MECR: variants seen among roughly 807,000 people sequenced by gnomAD.
MECR encodes mitochondrial trans-2-enoyl-CoA reductase.
Under a neutral mutation model 49.1 loss-of-function variants are expected in MECR, and 37 were observed. The observed-to-expected ratio is 0.75, with a 90% CI of 0.58 to 0.99. The LOEUF (loss-of-function observed/expected upper bound fraction) is 0.99. MECR is among the 50% of genes least tolerant of loss of function. The pLI is 0.00. For missense variants in MECR, 470 were observed against 479.6 expected, an observed-to-expected ratio of 0.98 and a Z score of 0.19; for synonymous variants, 198 against 191.1, an observed-to-expected ratio of 1.04 and a Z score of -0.30.
the MECR span, among the ~76,000 whole-genome samples, chr1:29,175,711 A>AAG: frequency 0.043 from 6,304 of 146,508 alleles, 270 homozygotes; most frequent in Non-Finnish European, 0.068. Flanking sequence ...AAAAAAAAAA[A>AAG]AAAAAAAAAA....
At chr1:29,216,709 T>C (rs1679495197) in intron 1 of MECR, 24 bp from the exon 2 acceptor site, 5 of 1,614,118 alleles carry the variant, frequency 3.1e-6, no homozygotes, top group Non-Finnish European at 4.2e-6. Flanking sequence ...CAAACGGAGA[T>C]GTTCATGTCA....
chr1:29,217,483 G>C (rs1314375345), intron 1 of MECR, among the ~76,000 whole-genome samples: 1 of 152,052 alleles, frequency 6.6e-6, no homozygotes, highest in Non-Finnish European at 1.5e-5. Flanking sequence ...CTAAAGTGCT[G>C]GGATTACAGG....
At chr1:29,206,724 G>A in intron 4 of MECR, 38 bp downstream of exon 4, 6 of 1,608,020 alleles carry the variant, frequency 3.7e-6, no homozygotes, top group East Asian at 2.2e-5. Context: ...CCCTAGTTGC[G>A]AGACCCTGGC....
intron 1 of MECR, among the ~76,000 whole-genome samples, chr1:29,220,227 C>CAA (rs1369407530): frequency 2.4e-5 from 1 of 41,868 alleles, no homozygotes. Context: ...CCCGTCTCTA[C>CAA]TAAAAAAAAA....
At position 29,200,422 on chromosome 1, in the gene MECR, C is replaced by T. The variant is rs149854239; in HGVS notation, c.830+94G>A. The T allele has an allele frequency of 3.7e-5, 45 of 1,208,370 alleles. No homozygotes were observed. In the Middle Eastern group the frequency reaches 1.4e-3, roughly 36 times the overall value. The allele number at this position is 1,208,370 out of a possible 1,614,324, so 74.9% of individuals were successfully genotyped here. A position where few individuals can be genotyped will look rare whatever the true frequency, so the allele number is the denominator to read the frequency against. On this transcript the variant is annotated intron_variant, in intron 7 of 9. Transcript: ENST00000263702. ...ACATTGTGCTGACCTGGACTTGGCT[C>T]GAACTGGCGATGGGACTCAGTCACT...
In MECR at chr1:29,193,188, G is replaced by A. The variant is rs1185076111; in HGVS notation, c.*834C>T. The stretch of plus-strand genomic sequence containing the variant: ...TTGAACTCCTGGGCTCAAGTGATCC[G>A]CTTGCCTTGGCTTCCCAAAGTGCTG... On this transcript the variant is annotated 3_prime_UTR_variant, in exon 10 of 10. Coordinates refer to ENST00000263702, the MANE Select transcript of MECR (RefSeq NM_016011.5). 1.1e-5 allele frequency: 2 copies of A among 186,304 alleles called. No individual in the cohort carries two copies. The highest frequency in any genetic ancestry group is 4.2e-5 in the Admixed American group (1 of 23,622). 11.5% of individuals were successfully genotyped at this position (186,304 alleles called of 1,614,324 possible). A position where few individuals can be genotyped will look rare whatever the true frequency, so the allele number is the denominator to read the frequency against.
intron 4 of MECR, among the ~76,000 whole-genome samples, chr1:29,206,379 G>A (rs562107238): frequency 1.3e-5 from 2 of 152,318 alleles, no homozygotes; most frequent in South Asian, 4.1e-4. Flanking sequence ...AAAGTGCTAT[G>A]TAAACGCTGA....
intron 5 of MECR, among the ~76,000 whole-genome samples, chr1:29,202,740 C>G (rs1164935635): frequency 1.3e-5 from 2 of 152,120 alleles, no homozygotes; most frequent in Non-Finnish European, 2.9e-5. Flanking sequence ...AAGTACCACA[C>G]AAAAGCAAGG....
At chr1:29,215,947 A>C in intron 3 of MECR, 58 bp downstream of exon 3, 1 of 1,601,958 alleles carries the variant, frequency 6.2e-7, no homozygotes, top group Non-Finnish European at 8.5e-7. Flanking sequence ...ATGCCGACAG[A>C]GTGGGTGAAA....
intron 3 of MECR, among the ~76,000 whole-genome samples, chr1:29,210,914 AAC>A (rs907850046): frequency 6.6e-6 from 1 of 152,174 alleles, no homozygotes; most frequent in Non-Finnish European, 1.5e-5. Context: ...GTGGGTGTAT[AAC>A]ACACATTGTT....
intron 3 of MECR, among the ~76,000 whole-genome samples, chr1:29,214,430 C>T (rs973061364): frequency 4.7e-5 from 7 of 150,002 alleles, no homozygotes; most frequent in Non-Finnish European, 1.0e-4. Context: ...GGCATGATCT[C>T]GGCTCACTGT....
chr1:29,169,173 G>A, the MECR span: 1 of 152,152 alleles, frequency 6.6e-6, no homozygotes, highest in Non-Finnish European at 1.5e-5. Context: ...CAACTCTGAG[G>A]TTTACTGTCA....
At chr1:29,182,433 ATTATTT>A in the MECR span, among the ~76,000 whole-genome samples, 1 of 152,210 alleles carries the variant, frequency 6.6e-6, no homozygotes, top group Admixed American at 6.5e-5. Context: ...TGAGACCAGT[ATTATTT>A]TTAAGAGGAC....
chr1:29,222,207 C>T (rs1468936445), intron 1 of MECR, among the ~76,000 whole-genome samples: 1 of 152,218 alleles, frequency 6.6e-6, no homozygotes, highest in African/African-American at 2.4e-5. Context: ...AATTCTCCTG[C>T]CTCAGCCTCC....
intron 1 of MECR, among the ~76,000 whole-genome samples, chr1:29,218,438 A>G (rs1414948613): frequency 6.6e-6 from 1 of 152,256 alleles, no homozygotes; most frequent in Non-Finnish European, 1.5e-5. Context: ...CAAGACACAT[A>G]TAACTGCCAA....
chr1:29,201,637 C>T lies in MECR; in HGVS notation c.756+306G>A, dbSNP rs902358726. 5.9e-6 allele frequency: 3 copies of T among 508,426 alleles called. No individual in the cohort carries two copies. Among genetic ancestry groups the T allele is most frequent in the South Asian group, 2.0e-5 (1 of 49,384 alleles). 31.5% of individuals were successfully genotyped at this position (508,426 alleles called of 1,614,324 possible). On this transcript the variant is annotated intron_variant, in intron 6 of 9. Coordinates refer to ENST00000263702, the MANE Select transcript of MECR (RefSeq NM_016011.5). This position sits in a 1 kb window ranked among gnomAD's most constrained non-coding sequence, Gnocchi z 4.3. The stretch of plus-strand genomic sequence containing the variant: ...TTCTCTTTCTGTGTCTCTGTTTCCT[C>T]AGGTCCTCTCCTGCCAGTTCTAAGA...
Position 29,216,011 on chromosome 1 carries a change from C to G in MECR, c.400G>C (p.Gly134Arg), listed in dbSNP as rs751642810. The G allele has an allele frequency of 2.5e-6, 4 of 1,614,004 alleles. No individual in the cohort carries two copies. In the South Asian group the frequency reaches 4.4e-5, roughly 18 times the overall value. The change falls in exon 3 of 10, where the codon GGT (glycine) becomes CGT (arginine). Residue 134 changes from glycine to arginine, a missense_variant. Coordinates refer to ENST00000263702, the MANE Select transcript of MECR (RefSeq NM_016011.5). The stretch of plus-strand genomic sequence containing the variant: ...GACACCTGGAGAAACTCACCTAAAC[C>G]AGCATTTGCTGGAATCACCCAGTCT... The part of the protein sequence containing the change: ...PGDWVIPANA[G>R]LGTWRTEAVF...
chr1:29,227,067 G>A (rs1230385128), intron 1 of MECR, among the ~76,000 whole-genome samples: 1 of 150,276 alleles, frequency 6.7e-6, no homozygotes, highest in Non-Finnish European at 1.5e-5. Flanking sequence ...GGGTTCAAGC[G>A]ATTCTCCTGC....
chr1:29,190,254 A>T (rs531288643), downstream of MECR, among the ~76,000 whole-genome samples: 56 of 152,336 alleles, frequency 3.7e-4, no homozygotes, highest in Admixed American at 1.2e-3. Flanking sequence ...AGGCGCCTGT[A>T]GTCCCAGCTA....
Sources: allele counts gnomAD v4.1 joint callset (sites outside exome capture counted in the v4.1 genomes callset), GRCh38; gene constraint gnomAD v4.1.1; non-coding constraint Gnocchi (gnomAD v3.1); transcripts MANE v1.5; gene names NCBI Gene and HGNC (gene_info 2026-07-23, HGNC 2026-07-21).